CHST9: variants seen among roughly 807,000 people sequenced by gnomAD.
CHST9 encodes GalNAc-4-sulfotransferase 2.
Under a neutral mutation model 44.4 loss-of-function variants are expected in CHST9, and 41 were observed. The ratio of observed to expected loss-of-function variants is 0.92; its 90% confidence interval spans 0.72 to 1.20. The LOEUF (loss-of-function observed/expected upper bound fraction) is 1.20, where lower values mean the gene tolerates loss of function less well. CHST9 is among the 50% of genes most tolerant of loss of function. The pLI, the probability that CHST9 is intolerant of heterozygous loss-of-function variation, is 0.00. For synonymous variants in CHST9, 171 were observed against 178.4 expected (o/e 0.96, Z 0.33); for missense variants, 504 against 516.5 (o/e 0.98, Z 0.23).
intron 4 of CHST9, among the ~76,000 whole-genome samples, chr18:27,023,636 C>T (rs1266280414): frequency 1.3e-5 from 2 of 152,130 alleles, no homozygotes; most frequent in East Asian, 3.8e-4. Flanking sequence ...CCATTCCTTG[C>T]AGAAAATTCA....
chr18:27,065,945 GGTAAAACATGGA>G (rs1216212202), intron 2 of CHST9, among the ~76,000 whole-genome samples: 1 of 152,100 alleles, frequency 6.6e-6, no homozygotes, highest in East Asian at 1.9e-4. Context: ...TGTTCTAGGA[GGTAAAACATGGA>G]GTAGGAACAA....
chr18:26,955,431 C>T (rs1410640566), intron 4 of CHST9, among the ~76,000 whole-genome samples: 4 of 152,078 alleles, frequency 2.6e-5, no homozygotes, highest in Non-Finnish European at 4.4e-5. Context: ...TACCATTTTT[C>T]CACTAAACTA....
chr18:27,146,957 G>A (rs1277790693), intron 1 of CHST9, among the ~76,000 whole-genome samples: 1 of 152,040 alleles, frequency 6.6e-6, no homozygotes, highest in Non-Finnish European at 1.5e-5. Flanking sequence ...AATAATTGTG[G>A]CTACAAACGG....
chr18:27,145,363 T>C (rs2143878643), intron 1 of CHST9, among the ~76,000 whole-genome samples: 1 of 152,202 alleles, frequency 6.6e-6, no homozygotes, highest in Middle Eastern at 3.4e-3. Flanking sequence ...TTTTGTATTT[T>C]AGTAGAGATG....
intron 1 of CHST9, chr18:27,147,831 C>T (rs1322950003): frequency 2.7e-5 from 4 of 149,102 alleles, no homozygotes; most frequent in African/African-American, 4.9e-5. Context: ...GGACACTATT[C>T]TGTTCTATTG....
chr18:26,962,276 TCCCAAATTATAGTCTCC>T (rs1373711222), intron 4 of CHST9, among the ~76,000 whole-genome samples: 17 of 145,286 alleles, frequency 1.2e-4, no homozygotes, highest in African/African-American at 4.4e-4. Context: ...TCTACTCCTA[TCCCAAATTATAGTCTCC>T]TTTTTTTTTT....
intron 4 of CHST9, among the ~76,000 whole-genome samples, chr18:26,967,282 A>G (rs1333267786): frequency 6.6e-6 from 1 of 152,132 alleles, no homozygotes; most frequent in African/African-American, 2.4e-5. Flanking sequence ...TATATAAGGG[A>G]CTGCTTATCT....
At chr18:27,049,070 G>C (rs2057536216) in intron 2 of CHST9, among the ~76,000 whole-genome samples, 1 of 152,100 alleles carries the variant, frequency 6.6e-6, no homozygotes, top group Non-Finnish European at 1.5e-5. Context: ...GAAACAGTAT[G>C]GGCTAAATGG....
At chr18:27,142,046 T>C (rs2058572670) in intron 2 of CHST9, among the ~76,000 whole-genome samples, 1 of 152,234 alleles carries the variant, frequency 6.6e-6, no homozygotes, top group Non-Finnish European at 1.5e-5. Context: ...AGTAAACTAT[T>C]GCCTGTGGAC....
chr18:26,934,065 G>A (rs28708644), intron 5 of CHST9, among the ~76,000 whole-genome samples: 1,755 of 152,244 alleles, frequency 0.012, 27 homozygotes, highest in African/African-American at 0.032. Context: ...GGGCAAGGCT[G>A]TTGTGGTTGC....
intron 2 of CHST9, among the ~76,000 whole-genome samples, chr18:27,126,381 T>C (rs1220184784): frequency 6.6e-6 from 1 of 152,150 alleles, no homozygotes; most frequent in Non-Finnish European, 1.5e-5. Flanking sequence ...ACAGATCTCA[T>C]GGTCTAGTGG....
intron 4 of CHST9, among the ~76,000 whole-genome samples, chr18:26,950,522 C>T (rs960991477): frequency 2.6e-5 from 4 of 152,040 alleles, no homozygotes. Flanking sequence ...ATATATACAC[C>T]GTGGAATACT....
At chr18:27,162,487 C>G (rs896641066) in intron 1 of CHST9, among the ~76,000 whole-genome samples, 1 of 152,178 alleles carries the variant, frequency 6.6e-6, no homozygotes, top group Admixed American at 6.5e-5. Flanking sequence ...CGCTGTTAGT[C>G]TGATGGGCTT....
intron 2 of CHST9, among the ~76,000 whole-genome samples, chr18:27,100,818 T>C (rs186850136): frequency 6.6e-6 from 1 of 152,318 alleles, no homozygotes; most frequent in East Asian, 1.9e-4. Flanking sequence ...GATTTTTAAA[T>C]AATTTCAGAT....
At position 26,917,186 on chromosome 18, in the gene CHST9, T is replaced by A; in HGVS notation, c.405A>T (p.Lys135Asn). The A allele has an allele frequency of 3.1e-6, 5 of 1,613,922 alleles. No homozygotes were observed. Among genetic ancestry groups the A allele is most frequent in the Non-Finnish European group, 4.2e-6 (5 of 1,179,872 alleles). ...TAAAAACAGTCTTAGCTCCTTGACG[T>A]TTTTCAATCAACTTCTCTGTTGGTG... ...TGSPTEKLIEKRQGAKTVFNK... is the reference protein window; with the variant it reads ...TGSPTEKLIENRQGAKTVFNK... Residue 135 changes from lysine to asparagine, a missense_variant, in exon 6 of 6, where the codon AAA (lysine) becomes AAT (asparagine). Physicochemically the swap from Lys to Asn is moderately conservative, Grantham distance 94. Coordinates refer to ENST00000618847, the MANE Select transcript of CHST9 (RefSeq NM_031422.6).
intron 4 of CHST9, among the ~76,000 whole-genome samples, chr18:26,969,973 T>G (rs558682230): frequency 6.6e-6 from 1 of 152,348 alleles, no homozygotes; most frequent in South Asian, 2.1e-4. Flanking sequence ...CCTGAAATTT[T>G]GGGGCCATTT....
intron 2 of CHST9, among the ~76,000 whole-genome samples, chr18:27,099,131 G>T (rs576988255): frequency 1.3e-5 from 2 of 152,206 alleles, no homozygotes; most frequent in South Asian, 4.1e-4. Context: ...TGGCTGGTGA[G>T]CCATATATAG....
At chr18:27,003,642 C>T (rs545217183) in intron 4 of CHST9, among the ~76,000 whole-genome samples, 4 of 152,160 alleles carry the variant, frequency 2.6e-5, no homozygotes, top group South Asian at 2.1e-4. Context: ...ACATATAGCA[C>T]TTGGTGATTT....
chr18:27,105,645 A>G (rs1010074230), intron 2 of CHST9, among the ~76,000 whole-genome samples: 2 of 152,178 alleles, frequency 1.3e-5, no homozygotes, highest in South Asian at 2.1e-4. Flanking sequence ...AAGGGACCCA[A>G]TTGAATATGG....
Sources: allele counts gnomAD v4.1 joint callset (sites outside exome capture counted in the v4.1 genomes callset), GRCh38; gene constraint gnomAD v4.1.1; transcripts MANE v1.5; gene names NCBI Gene and HGNC (gene_info 2026-07-23, HGNC 2026-07-21).